Variants in SPOCK3 observed in about 807,000 individuals in gnomAD.
SPOCK3 encodes the protein SPARC (osteonectin), cwcv and kazal like domains proteoglycan 3.
SPOCK3 carries 30 observed loss-of-function variants against 56.6 expected under a neutral mutation model. The ratio of observed to expected loss-of-function variants is 0.53; its 90% CI spans 0.40 to 0.72. SPOCK3 has a LOEUF of 0.72. Ranked by LOEUF, SPOCK3 falls within the 30% of genes least tolerant of loss-of-function variation. SPOCK3 has a pLI of 0.00. For synonymous variants in SPOCK3, 196 were observed against 183.3 expected (o/e 1.07, Z -0.56); for missense variants, 527 against 530.0 (o/e 0.99, Z 0.06).
intron 4 of SPOCK3, among the ~76,000 whole-genome samples, chr4:166,917,793 T>C (rs1017035796): frequency 2.0e-5 from 3 of 152,120 alleles, no homozygotes; most frequent in African/African-American, 7.2e-5. Context: ...TGTGAAACTG[T>C]GAGTCAATTA....
At chr4:167,042,440 GGA>G (rs1484989472) in intron 3 of SPOCK3, among the ~76,000 whole-genome samples, 1 of 152,144 alleles carries the variant, frequency 6.6e-6, no homozygotes. Context: ...CATATGATGT[GGA>G]GTTTGTGAAA....
At chr4:167,033,494 T>G (rs1034484615) in intron 3 of SPOCK3, among the ~76,000 whole-genome samples, 1 of 151,710 alleles carries the variant, frequency 6.6e-6, no homozygotes, top group African/African-American at 2.4e-5. Flanking sequence ...ACCAGTCTTA[T>G]AAGAATTTTT....
At chr4:166,876,439 C>A (rs899846477) in intron 6 of SPOCK3, among the ~76,000 whole-genome samples, 1 of 151,914 alleles carries the variant, frequency 6.6e-6, no homozygotes, top group Non-Finnish European at 1.5e-5. Flanking sequence ...AAACTTATGG[C>A]CTGGGGAAAA....
intron 3 of SPOCK3, among the ~76,000 whole-genome samples, chr4:167,053,196 G>A (rs928746833): frequency 6.6e-6 from 1 of 152,084 alleles, no homozygotes; most frequent in Non-Finnish European, 1.5e-5. Flanking sequence ...ACACATGACT[G>A]CCCTTCCAAA....
In SPOCK3 at chr4:167,132,804, CCTT is replaced by C. The variant is rs1304531446; in HGVS notation, c.190-70270_190-70268del. The stretch of plus-strand genomic sequence containing the variant: ...CTCTGCCTCCATCTACACACTTTCT[CCTT>C]CTTCTGCATGTGTCTCATCTGTGTG... On this transcript the variant is annotated intron_variant, in intron 2 of 10. Transcript: ENST00000357545. Among the ~76,000 whole-genome samples the C allele has an allele frequency of 7.9e-5, 12 of 152,140 alleles. 1 individual carries two copies. The highest frequency in any genetic ancestry group is 1.5e-5 in the Non-Finnish European group (1 of 68,024).
chr4:166,887,874 AAG>A (rs1491037885), intron 6 of SPOCK3, among the ~76,000 whole-genome samples: 2 of 151,356 alleles, frequency 1.3e-5, no homozygotes, highest in Admixed American at 6.6e-5. Flanking sequence ...AAAAAAAAAA[AAG>A]AAGAGAGCTC....
At chr4:166,841,747 C>T (rs927071729) in intron 6 of SPOCK3, among the ~76,000 whole-genome samples, 4 of 152,240 alleles carry the variant, frequency 2.6e-5, no homozygotes, top group East Asian at 3.8e-4. Flanking sequence ...TCCAACACTC[C>T]TACCTCCTGC....
At chr4:167,031,349 A>C (rs1445685635) in intron 3 of SPOCK3, among the ~76,000 whole-genome samples, 1 of 152,028 alleles carries the variant, frequency 6.6e-6, no homozygotes, top group Non-Finnish European at 1.5e-5. Context: ...GAAAAGAACA[A>C]ATCTACTTGA....
At chr4:166,811,508 G>C (rs967514371) in intron 6 of SPOCK3, among the ~76,000 whole-genome samples, 21 of 151,260 alleles carry the variant, frequency 1.4e-4, no homozygotes, top group African/African-American at 5.1e-4. Context: ...AATGATGTGG[G>C]GGATTTTAGT....
chr4:166,888,478 A>G (rs865891476), intron 6 of SPOCK3, among the ~76,000 whole-genome samples: 15 of 152,190 alleles, frequency 9.9e-5, no homozygotes, highest in Middle Eastern at 3.4e-3. Context: ...ACTTTTTAAA[A>G]AGGCATAAAC....
intron 6 of SPOCK3, among the ~76,000 whole-genome samples, chr4:166,862,707 TAAGTC>T (rs1177998169): frequency 2.0e-5 from 3 of 152,050 alleles, no homozygotes; most frequent in East Asian, 1.9e-4. Flanking sequence ...TTCTAGCAGA[TAAGTC>T]AAGTAAAAAT....
chr4:167,213,857 A>G (rs1735112526), intron 2 of SPOCK3, among the ~76,000 whole-genome samples: 1 of 152,170 alleles, frequency 6.6e-6, no homozygotes, highest in Admixed American at 6.5e-5. Context: ...ATAAGCAGTC[A>G]CCATAAAAAA....
At chr4:167,116,492 GTATATA>G (rs35875743) in intron 2 of SPOCK3, among the ~76,000 whole-genome samples, 1 of 131,612 alleles carries the variant, frequency 7.6e-6, no homozygotes, top group African/African-American at 2.8e-5. Context: ...ATACTTTTGT[GTATATA>G]TATATATACA....
chr4:166,775,317 C>T (rs759921702), intron 7 of SPOCK3, among the ~76,000 whole-genome samples: 61 of 152,272 alleles, frequency 4.0e-4, no homozygotes, highest in Non-Finnish European at 7.5e-4. Flanking sequence ...CTAGAGATCA[C>T]CCATTTTCAT....
chr4:167,121,990 C>T (rs940032868), intron 2 of SPOCK3, among the ~76,000 whole-genome samples: 1 of 152,050 alleles, frequency 6.6e-6, no homozygotes, highest in African/African-American at 2.4e-5. Context: ...TTACCCATGG[C>T]AAACCATAAT....
chr4:167,082,888 T>TGAGAGAGAGAGAAAGA (rs1197109209), intron 2 of SPOCK3, among the ~76,000 whole-genome samples: 1 of 149,504 alleles, frequency 6.7e-6, no homozygotes, highest in East Asian at 2.0e-4. Flanking sequence ...AGAATGGGTA[T>TGAGAGAGAGAGAAAGA]GAGAGAGAGA....
At chr4:166,938,845 G>A (rs1354911732) in intron 4 of SPOCK3, among the ~76,000 whole-genome samples, 2 of 151,954 alleles carry the variant, frequency 1.3e-5, no homozygotes, top group African/African-American at 4.8e-5. Context: ...CCAAAAAAGA[G>A]GTGCTAATGT....
At chr4:167,097,858 G>T (rs913962361) in intron 2 of SPOCK3, among the ~76,000 whole-genome samples, 4 of 152,004 alleles carry the variant, frequency 2.6e-5, no homozygotes, top group African/African-American at 7.2e-5. Context: ...GGAATACCAT[G>T]CAGCCATAGA....
intron 2 of SPOCK3, among the ~76,000 whole-genome samples, chr4:167,095,768 AAT>A (rs144112827): frequency 0.054 from 8,053 of 149,276 alleles, 539 homozygotes; most frequent in African/African-American, 0.16. Context: ...TAAAAATCTG[AAT>A]ATATATATAT....
Sources: allele counts gnomAD v4.1 joint callset (sites outside exome capture counted in the v4.1 genomes callset), GRCh38; gene constraint gnomAD v4.1.1; transcripts MANE v1.5; gene names NCBI Gene and HGNC (gene_info 2026-07-23, HGNC 2026-07-21).